The following CPSF2 variants were observed in gnomAD, a reference collection of about 807,000 sequenced individuals.
CPSF2 encodes cleavage and polyadenylation specific factor 2, also known as cleavage and polyadenylation specificity factor subunit 2.
In CPSF2, 51 loss-of-function variants were observed where a neutral mutation model predicts 84.2. That is an observed-to-expected ratio of 0.61 (90% CI 0.48 to 0.77). CPSF2 has a LOEUF of 0.77. Among genes scored for constraint, CPSF2 ranks in the 30% least tolerant of loss-of-function variants. The pLI, the probability that CPSF2 is intolerant of heterozygous loss-of-function variation, is 0.00. For synonymous variants in CPSF2, 286 were observed against 311.9 expected (o/e 0.92, Z 0.87); for missense variants, 641 against 929.4 (o/e 0.69, Z 4.03).
At chr14:92,124,290 G>A (rs1271557224) in intron 1 of CPSF2, among the ~76,000 whole-genome samples, 1 of 152,064 alleles carries the variant, frequency 6.6e-6, no homozygotes, top group Non-Finnish European at 1.5e-5. Context: ...TGTTTTTTTA[G>A]GATGGTCTCT....
At position 92,157,763 on chromosome 14, in the gene CPSF2, C is replaced by T; in HGVS notation, c.1700C>T (p.Pro567Leu). ...CGACAGTTGATCATCGTCCATGGCCCACCAGAGGCCAGTCAAGATCTGGCA... is the reference window on the plus strand; with the variant it reads ...CGACAGTTGATCATCGTCCATGGCCTACCAGAGGCCAGTCAAGATCTGGCA... Reference protein sequence around the residue: ...KPRQLIIVHGPPEASQDLAEC... With the variant: ...KPRQLIIVHGLPEASQDLAEC... The change falls in exon 13 of 16, where the codon CCA becomes CTA. Residue 567 changes from proline to leucine, a missense_variant. Around this residue, in one of 2 missense-constraint regions of CPSF2, gnomAD observed 430 missense variants for 553.6 expected, o/e 0.78. Coordinates refer to ENST00000298875, the MANE Select transcript of CPSF2 (RefSeq NM_017437.3). This position sits in a 1 kb window ranked among gnomAD's most constrained non-coding sequence, Gnocchi z 4.0. 1 of 1,613,866 alleles carries T rather than the reference C, an allele frequency of 6.2e-7. No individual in the cohort carries two copies. Among genetic ancestry groups the T allele is most frequent in the Non-Finnish European group, 8.5e-7 (1 of 1,179,830 alleles).
chr14:92,125,023 C>G (rs2068827619), intron 1 of CPSF2, among the ~76,000 whole-genome samples: 1 of 152,080 alleles, frequency 6.6e-6, no homozygotes, highest in African/African-American at 2.4e-5. Flanking sequence ...TCCTGGCAAC[C>G]TCCATTGCCA....
chr14:92,143,158 G>A lies in CPSF2; in HGVS notation c.1004G>A (p.Cys335Tyr). ...CTTGCCAGCCAACCTGACCTGGAATGCGGATTTTCAAGGGATCTCTTTATT... is the reference window on the plus strand; with the variant it reads ...CTTGCCAGCCAACCTGACCTGGAATACGGATTTTCAAGGGATCTCTTTATT... ...VVLASQPDLE[C>Y]GFSRDLFIQW... is the part of the protein sequence containing the mutation. The change falls in exon 9 of 16, where the codon TGC becomes TAC. Residue 335 changes from cysteine to tyrosine, a missense_variant. Around this residue, in one of 2 missense-constraint regions of CPSF2, gnomAD observed 430 missense variants for 553.6 expected, o/e 0.78. Coordinates refer to ENST00000298875, the MANE Select transcript of CPSF2 (RefSeq NM_017437.3). 6.2e-7 allele frequency: 1 copy of A among 1,614,084 alleles called. No homozygotes were observed. Among genetic ancestry groups the A allele is most frequent in the Non-Finnish European group, 8.5e-7 (1 of 1,180,016 alleles).
intron 13 of CPSF2, among the ~76,000 whole-genome samples, chr14:92,158,310 T>A (rs1005518715): frequency 6.6e-6 from 1 of 152,120 alleles, no homozygotes; most frequent in Non-Finnish European, 1.5e-5. Context: ...TTCCCGGATA[T>A]CAAGGTTCTA....
In CPSF2 at chr14:92,168,580, A is replaced by C. The variant is rs997669432; in HGVS notation, c.*6836A>C. The C allele has an allele frequency of 6.6e-6, 1 of 152,044 alleles. No homozygotes were observed. 9.4% of individuals were successfully genotyped at this position (152,044 alleles called of 1,614,324 possible). A position where few individuals can be genotyped will look rare whatever the true frequency, so the allele number is the denominator to read the frequency against. ...TTGAAGTCAAAATGGGATTCCAAAG[A>C]GCAAAATAGAAGTTTGGAGAGTTTG... On this transcript the variant is annotated 3_prime_UTR_variant, in exon 16 of 16. Transcript: ENST00000298875.
intron 11 of CPSF2, among the ~76,000 whole-genome samples, 192 bp from the exon 12 acceptor site, chr14:92,156,287 C>CA (rs1194471806): frequency 3.3e-5 from 5 of 151,106 alleles, no homozygotes; most frequent in African/African-American, 1.2e-4. Context: ...GACTCTACCT[C>CA]AAAAAAAACC....
At chr14:92,151,212 C>T (rs919965391) in intron 9 of CPSF2, among the ~76,000 whole-genome samples, 1 of 151,898 alleles carries the variant, frequency 6.6e-6, no homozygotes, top group Non-Finnish European at 1.5e-5. Context: ...GATAACATAG[C>T]GAGACCTTGT....
intron 9 of CPSF2, among the ~76,000 whole-genome samples, chr14:92,151,377 G>A (rs2069213423): frequency 6.6e-6 from 1 of 151,532 alleles, no homozygotes; most frequent in African/African-American, 2.4e-5. Flanking sequence ...AGGCAACAGA[G>A]TGAGACCCTG....
chr14:92,136,453 A>G (rs958647543), intron 6 of CPSF2, among the ~76,000 whole-genome samples: 10 of 152,224 alleles, frequency 6.6e-5, no homozygotes, highest in Admixed American at 2.6e-4. Flanking sequence ...TCTGCCACCC[A>G]GAAGGAATGC....
chr14:92,161,387 A>T, intron 15 of CPSF2, 141 bp downstream of exon 15: 2 of 955,988 alleles, frequency 2.1e-6, no homozygotes, highest in Non-Finnish European at 3.0e-6. Context: ...TCAAAGGCTT[A>T]CAGAAGTCTT....
At chr14:92,158,849 G>A (rs1439835763) in intron 13 of CPSF2, 134 bp from the exon 14 acceptor site, 1 of 750,360 alleles carries the variant, frequency 1.3e-6, no homozygotes, top group Non-Finnish European at 2.1e-6. Flanking sequence ...GCAGGTCATT[G>A]TGGGACTCAG....
chr14:92,157,012 A>AC lies in CPSF2; in HGVS notation c.1595+382dup, dbSNP rs1367560498. Among the ~76,000 whole-genome samples, 1 of 152,138 alleles carries AC rather than the reference A, an allele frequency of 6.6e-6. No individual in the cohort carries two copies. The highest frequency in any genetic ancestry group is 1.5e-5 in the Non-Finnish European group (1 of 68,030). ...TCATAAAATATACTCCTTAACTTAA[A>AC]CATCTCTAAGACCCTAATGTCTGGA... On this transcript the variant is annotated intron_variant, in intron 12 of 15. Coordinates refer to ENST00000298875, the MANE Select transcript of CPSF2 (RefSeq NM_017437.3). The surrounding 1 kb of genome is among the most constrained non-coding windows in gnomAD (Gnocchi z 4.0).
intron 11 of CPSF2, 55 bp downstream of exon 11, chr14:92,155,378 TATC>T (rs1337254404): frequency 1.5e-6 from 2 of 1,376,414 alleles, no homozygotes; most frequent in African/African-American, 1.4e-5. Context: ...TTAACTGTGT[TATC>T]ATTTCATTTC....
At chr14:92,147,730 A>AT (rs1180070044) in intron 9 of CPSF2, among the ~76,000 whole-genome samples, 27 of 152,076 alleles carry the variant, frequency 1.8e-4, no homozygotes, top group African/African-American at 6.5e-4. Context: ...TTAACTTTTT[A>AT]TTTTTTGAGA....
intron 6 of CPSF2, among the ~76,000 whole-genome samples, chr14:92,136,739 C>T (rs572698627): frequency 5.3e-5 from 8 of 152,268 alleles, no homozygotes; most frequent in Non-Finnish European, 8.8e-5. Context: ...CGTCCTCCTT[C>T]GTTCAGTCTC....
In CPSF2 at chr14:92,154,814, A is replaced by G. The variant is rs1320886421; in HGVS notation, c.1242-309A>G. On this transcript the variant is annotated intron_variant, in intron 10 of 15. Transcript: ENST00000298875. ...GTATAGCCTACTGTGTATCCAGAGTATATGATATGGCCCATTGTTCCTAGG... is the reference window on the plus strand; with the variant it reads ...GTATAGCCTACTGTGTATCCAGAGTGTATGATATGGCCCATTGTTCCTAGG... 2.0e-5 allele frequency among the ~76,000 whole-genome samples: 3 copies of G among 152,338 alleles called. No individual in the cohort carries two copies. In the South Asian group the frequency reaches 6.2e-4, roughly 32 times the overall value.
intron 7 of CPSF2, among the ~76,000 whole-genome samples, chr14:92,139,922 T>TTA (rs1268287599): frequency 6.6e-6 from 1 of 151,766 alleles, no homozygotes; most frequent in Non-Finnish European, 1.5e-5. Context: ...ACCATTGTTT[T>TTA]TAGTTCATCT....
intron 9 of CPSF2, among the ~76,000 whole-genome samples, chr14:92,149,639 T>C (rs1280013101): frequency 6.6e-6 from 1 of 152,028 alleles, no homozygotes; most frequent in Non-Finnish European, 1.5e-5. Context: ...CTAATATTAC[T>C]AAGTTCTTTC....
At chr14:92,134,639 TCCTCTTCCTC>T (rs1188484726) in intron 5 of CPSF2, among the ~76,000 whole-genome samples, 1 of 152,218 alleles carries the variant, frequency 6.6e-6, no homozygotes, top group Non-Finnish European at 1.5e-5. Flanking sequence ...TGTGGCCATT[TCCTCTTCCTC>T]AGAGCTTACA....
Sources: gnomAD v4.1 joint callset for allele counts (sites outside exome capture counted in the v4.1 genomes callset) on GRCh38, gnomAD v4.1.1 for gene constraint, gnomAD v4.1.1 regional missense constraint, Gnocchi (gnomAD v3.1) non-coding constraint, MANE v1.5 for transcripts, NCBI Gene and HGNC (gene_info 2026-07-23, HGNC 2026-07-21) for gene names.